The following PGM2L1 variants were observed in gnomAD, a reference collection of about 807,000 sequenced individuals.
PGM2L1 encodes the protein phosphoglucomutase 2 like 1, also known as glucose 1,6-bisphosphate synthase.
A neutral mutation model predicts 73.4 loss-of-function variants in PGM2L1; 35 were observed. The ratio of observed to expected loss-of-function variants is 0.48; its 90% confidence interval spans 0.36 to 0.63. PGM2L1 has a LOEUF of 0.63. PGM2L1 is among the 30% of genes least tolerant of loss of function. The pLI, the probability that PGM2L1 is intolerant of heterozygous loss-of-function variation, is 0.00. For synonymous variants in PGM2L1, 225 were observed against 253.8 expected (o/e 0.89, Z 1.08); for missense variants, 570 against 742.0 (o/e 0.77, Z 2.69).
chr11:74,387,688 C>T (rs4944889), intron 1 of PGM2L1, among the ~76,000 whole-genome samples: 93,732 of 151,976 alleles, frequency 0.62, 31,335 homozygotes, highest in Non-Finnish European at 0.77. Context: ...TCAAATTCTA[C>T]CTCTTACAAA....
intron 5 of PGM2L1, among the ~76,000 whole-genome samples, chr11:74,361,721 A>C (rs1187087923): frequency 6.6e-6 from 1 of 152,240 alleles, no homozygotes; most frequent in Non-Finnish European, 1.5e-5. Flanking sequence ...ATGGAGCTGA[A>C]AACCATGTCA....
chr11:74,348,932 CA>C (rs1254618867), intron 6 of PGM2L1, among the ~76,000 whole-genome samples: 1 of 152,188 alleles, frequency 6.6e-6, no homozygotes, highest in Non-Finnish European at 1.5e-5. Context: ...TGGAAGCACA[CA>C]ATTTCTACTC....
intron 9 of PGM2L1, 64 bp from the exon 10 acceptor site, chr11:74,343,480 T>A: frequency 6.4e-7 from 1 of 1,572,428 alleles, no homozygotes; most frequent in Non-Finnish European, 8.6e-7. Flanking sequence ...TAGAGAAAAA[T>A]CTGCCACTAC....
chr11:74,340,487 G>A (rs543780327), intron 12 of PGM2L1, among the ~76,000 whole-genome samples: 1 of 152,206 alleles, frequency 6.6e-6, no homozygotes, highest in East Asian at 1.9e-4. Flanking sequence ...TGCAAAAATG[G>A]AATATGGGTA....
chr11:74,359,149 T>C (rs181556585), intron 5 of PGM2L1, among the ~76,000 whole-genome samples: 362 of 152,360 alleles, frequency 2.4e-3, no homozygotes, highest in African/African-American at 7.8e-3. Flanking sequence ...GCTTCATTCA[T>C]CTTTAAAAAT....
At chr11:74,359,585 A>G (rs1862522016) in intron 5 of PGM2L1, among the ~76,000 whole-genome samples, 1 of 152,014 alleles carries the variant, frequency 6.6e-6, no homozygotes, top group South Asian at 2.1e-4. Flanking sequence ...ATATATACAC[A>G]TACATACACA....
chr11:74,389,648 C>T (rs944088209), intron 1 of PGM2L1, among the ~76,000 whole-genome samples: 2 of 151,184 alleles, frequency 1.3e-5, no homozygotes, highest in Non-Finnish European at 3.0e-5. Context: ...GGGGGTTTCA[C>T]CATGTTGGCC....
rs760298575 is a variant in PGM2L1 at position 74,345,476 on chromosome 11, T to C, written c.1211A>G (p.His404Arg). The change falls in exon 9 of 14, where the codon CAT becomes CGT. Residue 404 changes from histidine to arginine, a missense_variant. Transcript: ENST00000298198. ...LKAIALKEGF[H>R]FEETLPGFKW... is the part of the protein sequence containing the mutation. ...GATATTATTGATTCTTACTTCAAAA[T>C]GAAATCCTTCTTTAAGTGCAATTGC... is the stretch of plus-strand genomic sequence containing the variant. The C allele has an allele frequency of 7.5e-6, 12 of 1,607,934 alleles. No individual in the cohort carries two copies. The highest frequency in any genetic ancestry group is 1.0e-5 in the Non-Finnish European group (12 of 1,175,544).
At chr11:74,349,759 T>G (rs1862321490) in intron 6 of PGM2L1, among the ~76,000 whole-genome samples, 2 of 152,068 alleles carry the variant, frequency 1.3e-5, no homozygotes, top group East Asian at 3.8e-4. Context: ...TTACATTCAC[T>G]TCTCTTAAAC....
At chr11:74,367,573 A>G (rs1050709104) in intron 5 of PGM2L1, among the ~76,000 whole-genome samples, 2 of 152,028 alleles carry the variant, frequency 1.3e-5, no homozygotes, top group Non-Finnish European at 2.9e-5. Flanking sequence ...TCCATTCTTG[A>G]CCTTTTTCCT....
chr11:74,375,019 C>A (rs892459122), intron 1 of PGM2L1, among the ~76,000 whole-genome samples: 1 of 152,118 alleles, frequency 6.6e-6, no homozygotes. Context: ...TGCCACTACA[C>A]CTGGCTAATA....
intron 12 of PGM2L1, among the ~76,000 whole-genome samples, chr11:74,340,615 C>T (rs1255234043): frequency 6.6e-6 from 1 of 152,076 alleles, no homozygotes; most frequent in South Asian, 2.1e-4. Flanking sequence ...ACAACAATAA[C>T]AAAATGAATA....
At chr11:74,364,036 C>G (rs1464958576) in intron 5 of PGM2L1, among the ~76,000 whole-genome samples, 1 of 152,136 alleles carries the variant, frequency 6.6e-6, no homozygotes, top group Non-Finnish European at 1.5e-5. Flanking sequence ...GGGCTTCATC[C>G]CTGGGATGTA....
In PGM2L1 at chr11:74,334,881, C is replaced by T. The variant is rs1432306216; in HGVS notation, c.*1771G>A. The T allele has an allele frequency of 6.6e-6, 1 of 150,840 alleles. No homozygotes were observed. The highest frequency in any genetic ancestry group is 2.4e-5 in the African/African-American group (1 of 40,934). The allele number at this position is 150,840 out of a possible 1,614,324, so 9.3% of individuals were successfully genotyped here. Reference sequence around the variant, plus strand: ...AGATACATTTTAAGAAGATTAAACACAGCATTTCTTTTTCTCTCTCTCTCT... The same window carrying T: ...AGATACATTTTAAGAAGATTAAACATAGCATTTCTTTTTCTCTCTCTCTCT... On this transcript the variant is annotated 3_prime_UTR_variant, in exon 14 of 14. Transcript: ENST00000298198.
chr11:74,338,230 A>C (rs946640573), intron 13 of PGM2L1, among the ~76,000 whole-genome samples: 2 of 152,186 alleles, frequency 1.3e-5, no homozygotes, highest in Non-Finnish European at 2.9e-5. Flanking sequence ...CTATAGAGAA[A>C]GACAGTAGAT....
intron 1 of PGM2L1, among the ~76,000 whole-genome samples, chr11:74,389,947 C>CAAAAAAAAAAAAAAAAAAAAAAAAAA (rs71065078): frequency 2.6e-5 from 1 of 38,572 alleles, no homozygotes; most frequent in African/African-American, 1.1e-4. Context: ...ACTAAAAATA[C>CAAAAAAAAAAAAAAAAAAAAAAAAAA]AAAAAAAAAA....
chr11:74,381,630 G>A (rs1355750262), intron 1 of PGM2L1, among the ~76,000 whole-genome samples: 10 of 132,846 alleles, frequency 7.5e-5, no homozygotes, highest in Non-Finnish European at 1.4e-4. Context: ...TCAGGCTGGA[G>A]TACAGTGGGG....
chr11:74,382,678 T>C (rs1862963781), intron 1 of PGM2L1, among the ~76,000 whole-genome samples: 1 of 152,106 alleles, frequency 6.6e-6, no homozygotes, highest in African/African-American at 2.4e-5. Flanking sequence ...TTTTAATTTT[T>C]TGTAGAGATT....
At chr11:74,384,717 A>G (rs1183674375) in intron 1 of PGM2L1, among the ~76,000 whole-genome samples, 1 of 152,186 alleles carries the variant, frequency 6.6e-6, no homozygotes, top group Non-Finnish European at 1.5e-5. Flanking sequence ...TGAAAGCACT[A>G]GCAATCTAGG....
Sources: gnomAD v4.1 joint callset for allele counts (sites outside exome capture counted in the v4.1 genomes callset) on GRCh38, gnomAD v4.1.1 for gene constraint, MANE v1.5 for transcripts, NCBI Gene and HGNC (gene_info 2026-07-23, HGNC 2026-07-21) for gene names.